Variants in RASGRP3 observed in about 807,000 individuals in gnomAD.
RASGRP3 encodes the protein ras guanyl-releasing protein 3.
In RASGRP3, 54 loss-of-function variants were observed where a neutral mutation model predicts 82.7. The observed-to-expected ratio is 0.65, with a 90% CI of 0.52 to 0.82. The LOEUF is 0.82. Among genes scored for constraint, RASGRP3 ranks in the 40% least tolerant of loss-of-function variants. The probability of loss-of-function intolerance (pLI) is 0.00; values close to 1 mark genes in which losing one functional copy is unlikely to be tolerated. For missense variants in RASGRP3, 861 were observed against 828.9 expected (o/e 1.04, Z -0.48); for synonymous variants, 309 against 300.5 (o/e 1.03, Z -0.29).
chr2:33,500,799 T>C (rs1351230225), intron 1 of RASGRP3, among the ~76,000 whole-genome samples: 2 of 152,070 alleles, frequency 1.3e-5, no homozygotes, highest in African/African-American at 2.4e-5. Flanking sequence ...CCGGACATGG[T>C]GGCGCGCACC....
chr2:33,467,985 TTTC>T (rs1480700860), intron 2 of RASGRP3, among the ~76,000 whole-genome samples: 18 of 13,598 alleles, frequency 1.3e-3, no homozygotes, highest in East Asian at 0.011. Flanking sequence ...AGGCTTTTTC[TTTC>T]TTTCTTTCTT....
rs1677022892 is a variant in RASGRP3, at chr2:33,564,392, G to GCACT, written c.*1658_*1661dup. 1.3e-5 allele frequency: 2 copies of GCACT among 152,186 alleles called. No homozygotes were observed. Among genetic ancestry groups the GCACT allele is most frequent in the South Asian group, 4.1e-4 (2 of 4,830 alleles). The allele number at this position is 152,186 out of a possible 1,614,324, so 9.4% of individuals were successfully genotyped here. On this transcript the variant is annotated 3_prime_UTR_variant, in exon 18 of 18. Coordinates refer to ENST00000403687, the MANE Select transcript of RASGRP3 (RefSeq NM_001139488.2). ...AATAAGAGAACGTGCCATCTGTAAA[G>GCACT]CACTCAGAAGGCAGCCATCCCTAGA... is the stretch of plus-strand genomic sequence containing the variant.
intron 1 of RASGRP3, among the ~76,000 whole-genome samples, chr2:33,443,567 CT>C (rs984040642): frequency 2.0e-5 from 3 of 152,016 alleles, no homozygotes; most frequent in Non-Finnish European, 4.4e-5. Flanking sequence ...CTACTTACTG[CT>C]CTTACTATTT....
At chr2:33,540,384 A>G (rs1674132989) in intron 12 of RASGRP3, among the ~76,000 whole-genome samples, 1 of 146,022 alleles carries the variant, frequency 6.8e-6, no homozygotes, top group Non-Finnish European at 1.5e-5. Context: ...GGAAGGTGAG[A>G]AAAGGATCCA....
chr2:33,455,170 T>C (rs1025895374), intron 2 of RASGRP3, among the ~76,000 whole-genome samples: 22 of 152,220 alleles, frequency 1.4e-4, no homozygotes, highest in African/African-American at 4.1e-4. Flanking sequence ...AACAGTCTTA[T>C]GGATGTAAGA....
Position 33,552,980 on chromosome 2 carries a change from TGGCAGGCACACTGACCCA to T in RASGRP3, c.1543-2549_1543-2532del, listed in dbSNP as rs1005961478. On this transcript the variant is annotated intron_variant, in intron 14 of 17. Transcript: ENST00000403687. The stretch of plus-strand genomic sequence containing the variant: ...ACATGAGTTCATCCTCTACTGTTCT[TGGCAGGCACACTGACCCA>T]GTGCCTCTTCCTAGCTACTGTTTGT... Among the ~76,000 whole-genome samples the T allele has an allele frequency of 3.9e-5, 6 of 152,324 alleles. No homozygotes were observed. The South Asian group carries it at 8.3e-4, about 21-fold the overall frequency.
rs570891542 is a variant in RASGRP3, at chr2:33,466,364, C to T, written c.-261+18421C>T. Among the ~76,000 whole-genome samples, 10 of 152,202 alleles carry T rather than the reference C, an allele frequency of 6.6e-5. No individual in the cohort carries two copies. The South Asian group carries it at 1.0e-3, about 16-fold the overall frequency. On this transcript the variant is annotated intron_variant, in intron 2 of 18. Coordinates refer to the RASGRP3 transcript ENST00000402538. ...AGAAGTTTACCCCAACCCTCATGGA[C>T]GACTTTGAGGGGTTTAAGATTTCAG...
chr2:33,510,239 TAGAC>T (rs564032937), intron 1 of RASGRP3, among the ~76,000 whole-genome samples: 86 of 152,362 alleles, frequency 5.6e-4, no homozygotes, highest in South Asian at 4.8e-3. Context: ...GACAATGTGA[TAGAC>T]AAGACAATTG....
At chr2:33,547,857 G>T (rs1201948223) in intron 13 of RASGRP3, among the ~76,000 whole-genome samples, 1 of 151,954 alleles carries the variant, frequency 6.6e-6, no homozygotes, top group Non-Finnish European at 1.5e-5. Context: ...GAGGAGAAGC[G>T]GGGTGGCATG....
chr2:33,469,540 A>G (rs143562565), intron 2 of RASGRP3, among the ~76,000 whole-genome samples: 6 of 151,424 alleles, frequency 4.0e-5, no homozygotes, highest in African/African-American at 1.5e-4. Flanking sequence ...ACTCACTGCA[A>G]CCTCCACCTC....
At chr2:33,460,484 C>G (rs184470929) in intron 2 of RASGRP3, among the ~76,000 whole-genome samples, 1 of 151,274 alleles carries the variant, frequency 6.6e-6, no homozygotes, top group South Asian at 2.1e-4. Context: ...ATTCAACTTG[C>G]TACAGTGGGC....
At chr2:33,450,429 C>T (rs1429886944) in intron 2 of RASGRP3, among the ~76,000 whole-genome samples, 1 of 152,182 alleles carries the variant, frequency 6.6e-6, no homozygotes, top group East Asian at 1.9e-4. Context: ...CTCTCTGTTA[C>T]TGAGTTCAAC....
At chr2:33,525,387 C>G (rs1335473188) in intron 9 of RASGRP3, among the ~76,000 whole-genome samples, 1 of 151,502 alleles carries the variant, frequency 6.6e-6, no homozygotes, top group Non-Finnish European at 1.5e-5. Flanking sequence ...CCAAACTGAG[C>G]GTTTCTGCCA....
intron 1 of RASGRP3, among the ~76,000 whole-genome samples, chr2:33,478,501 A>G (rs1667581033): frequency 6.6e-6 from 1 of 152,162 alleles, no homozygotes; most frequent in Non-Finnish European, 1.5e-5. Context: ...GGAATCATCG[A>G]GCCTCCCATA....
At chr2:33,543,422 G>A in intron 12 of RASGRP3, 90 bp from the exon 13 acceptor site, 1 of 718,034 alleles carries the variant, frequency 1.4e-6, no homozygotes, top group Non-Finnish European at 2.3e-6. Context: ...TTGATAGAAA[G>A]GATCATATGC....
chr2:33,477,214 T>A (rs2150927112), intron 1 of RASGRP3, among the ~76,000 whole-genome samples: 1 of 152,358 alleles, frequency 6.6e-6, no homozygotes, highest in Non-Finnish European at 1.5e-5. Context: ...GAATATCTCA[T>A]TTAACTGTGT....
chr2:33,528,984 A>T (rs1185042914), intron 10 of RASGRP3, among the ~76,000 whole-genome samples: 1 of 152,186 alleles, frequency 6.6e-6, no homozygotes, highest in Non-Finnish European at 1.5e-5. Flanking sequence ...ATGTCTGCAG[A>T]CCAGTCTCCA....
Position 33,515,214 on chromosome 2 carries a change from C to A in RASGRP3, c.70+8C>A. On this transcript the variant is annotated splice_region_variant and intron_variant, in intron 3 of 17. Transcript: ENST00000403687. ...CTTGCATTGAGATGTTTGGTACGAGCCTTTTCTCCTTTCATCTCTTTTGGA... is the reference window on the plus strand; with the variant it reads ...CTTGCATTGAGATGTTTGGTACGAGACTTTTCTCCTTTCATCTCTTTTGGA... The A allele has an allele frequency of 6.2e-7, 1 of 1,613,252 alleles. No homozygotes were observed.
intron 1 of RASGRP3, among the ~76,000 whole-genome samples, chr2:33,500,210 A>C (rs978572067): frequency 6.6e-6 from 1 of 152,032 alleles, no homozygotes; most frequent in African/African-American, 2.4e-5. Context: ...GGAGGGAGGG[A>C]ATGCAGGGGG....
Sources: gnomAD v4.1 joint callset for allele counts (sites outside exome capture counted in the v4.1 genomes callset) on GRCh38, gnomAD v4.1.1 for gene constraint, MANE v1.5 for transcripts, NCBI Gene and HGNC (gene_info 2026-07-23, HGNC 2026-07-21) for gene names.